PPP4R2: variants seen among roughly 807,000 people sequenced by gnomAD.
PPP4R2 encodes protein phosphatase 4 regulatory subunit 2.
In PPP4R2, 13 loss-of-function variants were observed where a neutral mutation model predicts 47.2. The observed-to-expected ratio is 0.28, with a 90% confidence interval of 0.18 to 0.44. The LOEUF is 0.44. Ranked by LOEUF, PPP4R2 falls within the 20% of genes least tolerant of loss-of-function variation. The pLI is 1.00. For missense variants in PPP4R2, 421 were observed against 491.2 expected, an observed-to-expected ratio of 0.86 and a Z score of 1.35; for synonymous variants, 151 against 163.3, an observed-to-expected ratio of 0.92 and a Z score of 0.57.
chr3:73,042,389 G>A (rs1702398518), intron 2 of PPP4R2, among the ~76,000 whole-genome samples: 1 of 132,320 alleles, frequency 7.6e-6, no homozygotes. Flanking sequence ...TTTTGAGATG[G>A]AGTCTCGCTG....
intron 2 of PPP4R2, among the ~76,000 whole-genome samples, chr3:72,999,980 G>A (rs1296197420): frequency 6.6e-6 from 1 of 152,076 alleles, no homozygotes; most frequent in East Asian, 1.9e-4. Context: ...CCTATTTATG[G>A]CTAAACTAAG....
At chr3:73,049,604 A>G (rs1202277370) in intron 3 of PPP4R2, among the ~76,000 whole-genome samples, 1 of 152,142 alleles carries the variant, frequency 6.6e-6, no homozygotes, top group Non-Finnish European at 1.5e-5. Flanking sequence ...TATGGCCGTC[A>G]TTCAAAAATA....
intron 5 of PPP4R2, chr3:73,062,155 A>G: frequency 6.5e-7 from 1 of 1,548,004 alleles, no homozygotes; most frequent in East Asian, 2.4e-5. Context: ...GACAGATCTT[A>G]CAAAAGATCT....
At chr3:73,061,982 ATTTCT>A (rs1702868540) in intron 5 of PPP4R2, 21 of 799,480 alleles carry the variant, frequency 2.6e-5, no homozygotes, top group Non-Finnish European at 4.1e-5. Flanking sequence ...CATGATAAAA[ATTTCT>A]TTTATGAAGC....
At chr3:73,032,285 ATTTC>A (rs1237571771) in intron 2 of PPP4R2, among the ~76,000 whole-genome samples, 2 of 146,564 alleles carry the variant, frequency 1.4e-5, no homozygotes, top group African/African-American at 5.1e-5. Context: ...CTTTAAAATT[ATTTC>A]TTTTTTTTTT....
At chr3:73,048,513 C>CA (rs1170906345) in intron 3 of PPP4R2, among the ~76,000 whole-genome samples, 7 of 152,230 alleles carry the variant, frequency 4.6e-5, no homozygotes, top group Non-Finnish European at 2.9e-5. Context: ...CTCAGCCTCC[C>CA]ACAGTGTTGG....
rs113046918 is a variant in PPP4R2 at position 73,004,879 on chromosome 3, T to G, written c.116+6721T>G. Among the ~76,000 whole-genome samples, 523 of 139,204 alleles carry G rather than the reference T, an allele frequency of 3.8e-3. 10 individuals are homozygous for G. Among genetic ancestry groups the G allele is most frequent in the African/African-American group, 0.01 (362 of 35,798 alleles). The allele number at this position is 139,204 out of a possible 152,430, so 91.3% of individuals were successfully genotyped here. A position where few individuals can be genotyped will look rare whatever the true frequency, so the allele number is the denominator to read the frequency against. ...TGTGTGTGTGTGTGTGTTTGTTTGT[T>G]TGTTTGTGTGTGTGTGTTTTGAGTC... On this transcript the variant is annotated intron_variant, in intron 2 of 8. Coordinates refer to ENST00000356692, the MANE Select transcript of PPP4R2 (RefSeq NM_174907.4).
chr3:73,050,971 A>G (rs542880474), intron 3 of PPP4R2, among the ~76,000 whole-genome samples: 2 of 152,172 alleles, frequency 1.3e-5, no homozygotes, highest in African/African-American at 2.4e-5. Flanking sequence ...CTGGAGTGCA[A>G]TGGAACGATC....
At chr3:73,028,787 G>A (rs1266805065) in intron 2 of PPP4R2, among the ~76,000 whole-genome samples, 1 of 152,128 alleles carries the variant, frequency 6.6e-6, no homozygotes, top group Non-Finnish European at 1.5e-5. Flanking sequence ...AGTAGGACTA[G>A]TGTGTCTAGC....
rs940868579 is a variant in PPP4R2 at position 73,031,329 on chromosome 3, C to T, written c.117-15857C>T. On this transcript the variant is annotated intron_variant, in intron 2 of 8. Coordinates refer to ENST00000356692, the MANE Select transcript of PPP4R2 (RefSeq NM_174907.4). ...CCAAGGCAGGTGGATCACCTGAGGC[C>T]AGGAGTTCGAGACCAGCCTGGCCAA... Among the ~76,000 whole-genome samples, 6 of 152,140 alleles carry T rather than the reference C, an allele frequency of 3.9e-5. No homozygotes were observed. The East Asian group carries it at 1.2e-3, about 30-fold the overall frequency.
chr3:73,037,808 C>G (rs1196549204), intron 2 of PPP4R2, among the ~76,000 whole-genome samples: 1 of 152,012 alleles, frequency 6.6e-6, no homozygotes, highest in Non-Finnish European at 1.5e-5. Flanking sequence ...TTCTCTTGTA[C>G]CATCACTGAA....
At chr3:73,059,193 AACATTGAGTAAGATCTGTTTCGGGTACC>A in intron 4 of PPP4R2, 63 bp downstream of exon 4, 1 of 798,280 alleles carries the variant, frequency 1.3e-6, no homozygotes, top group Non-Finnish European at 2.0e-6. Context: ...TTTAGAAAAG[AACATTGAGTAAGATCTGTTTCGGGTACC>A]ACTTCTTGAA....
At chr3:73,063,190 G>A (rs1702907375) in intron 5 of PPP4R2, 2 of 413,476 alleles carry the variant, frequency 4.8e-6, no homozygotes, top group South Asian at 5.6e-5. Flanking sequence ...AGCTCCTGAT[G>A]TTATACCAGG....
At chr3:73,036,662 T>A (rs1381735893) in intron 2 of PPP4R2, among the ~76,000 whole-genome samples, 1 of 152,228 alleles carries the variant, frequency 6.6e-6, no homozygotes, top group Non-Finnish European at 1.5e-5. Context: ...GTTCTTGTGA[T>A]AGGTACTTTG....
chr3:73,052,059 T>C (rs1392605319), intron 3 of PPP4R2, among the ~76,000 whole-genome samples: 2 of 152,164 alleles, frequency 1.3e-5, no homozygotes, highest in Non-Finnish European at 2.9e-5. Flanking sequence ...AGTGCCTGAA[T>C]ATAGTAGGTT....
intron 2 of PPP4R2, chr3:73,016,125 T>C (rs28656102): frequency 0.33 from 49,992 of 152,212 alleles, 8,755 homozygotes; most frequent in Non-Finnish European, 0.4. Flanking sequence ...AAATAAAACA[T>C]TTAATTTGAC....
intron 2 of PPP4R2, among the ~76,000 whole-genome samples, chr3:73,012,064 T>G (rs1701736422): frequency 6.6e-6 from 1 of 152,198 alleles, no homozygotes; most frequent in Admixed American, 6.5e-5. Flanking sequence ...CCTTGTTATA[T>G]GTGGGTGATT....
intron 5 of PPP4R2, chr3:73,062,161 G>T (rs904442107): frequency 1.3e-6 from 2 of 1,549,912 alleles, no homozygotes; most frequent in Admixed American, 4.3e-5. Flanking sequence ...TCTTACAAAA[G>T]ATCTTTTAGA....
At chr3:73,009,996 A>G (rs1249814120) in intron 2 of PPP4R2, among the ~76,000 whole-genome samples, 11 of 152,222 alleles carry the variant, frequency 7.2e-5, no homozygotes, top group Non-Finnish European at 1.5e-5. Flanking sequence ...CCACTTGCAC[A>G]TTCCATCCCT....
Sources: allele counts gnomAD v4.1 joint callset (sites outside exome capture counted in the v4.1 genomes callset), GRCh38; gene constraint gnomAD v4.1.1; transcripts MANE v1.5; gene names NCBI Gene and HGNC (gene_info 2026-07-23, HGNC 2026-07-21).